Variants in DMD observed in about 807,000 individuals in gnomAD.
The protein encoded by DMD is mutant dystrophin.
Under a neutral mutation model 330.1 loss-of-function variants are expected in DMD, and 63 were observed. That is an observed-to-expected ratio of 0.19 (90% CI 0.16 to 0.24). DMD has a LOEUF of 0.24. Among genes scored for constraint, DMD ranks in the 10% least tolerant of loss-of-function variants. The pLI, the probability that DMD is intolerant of heterozygous loss-of-function variation, is 1.00. For missense variants in DMD, 3,344 were observed against 2,684.1 expected (o/e 1.25, Z -5.43); for synonymous variants, 1,223 against 959.8 (o/e 1.27, Z -5.07).
At chrX:32,144,238 C>T (rs771454688) in intron 44 of DMD, among the ~76,000 whole-genome samples, 2 of 111,866 alleles carry the variant, frequency 1.8e-5, no homozygotes, top group East Asian at 2.8e-4. Flanking sequence ...CTCCATTCCA[C>T]TCATATGGAT....
At chrX:32,637,419 G>T (rs747734724) in intron 11 of DMD, among the ~76,000 whole-genome samples, 3 of 111,888 alleles carry the variant, frequency 2.7e-5, no homozygotes, top group African/African-American at 6.5e-5. Flanking sequence ...TATTAAATCT[G>T]CTCTCTGAGA....
chrX:31,962,904 G>T (rs73449903), intron 45 of DMD, among the ~76,000 whole-genome samples: 3 of 111,414 alleles, frequency 2.7e-5, no homozygotes, highest in Non-Finnish European at 3.8e-5. Flanking sequence ...TGGTTCACAC[G>T]GATATACTGG....
rs770166554 is a variant in DMD at position 32,162,243 on chromosome X, C to T, written c.6438+54673G>A. Among the ~76,000 whole-genome samples, 8 of 111,099 alleles carry T rather than the reference C, an allele frequency of 7.2e-5. No individual in the cohort carries two copies. In the South Asian group the frequency reaches 3.1e-3, roughly 43 times the overall value. On this transcript the variant is annotated intron_variant, in intron 44 of 78. Coordinates refer to ENST00000357033, the MANE Select transcript of DMD (RefSeq NM_004006.3). ...AAGCAGGATAGGGAAGGAGGGAGCG[C>T]TACAGCTCAGGGTGAAGTCTTGTAT...
chrX:31,391,902 A>C (rs1404349029), intron 60 of DMD, among the ~76,000 whole-genome samples: 1 of 110,996 alleles, frequency 9.0e-6, no homozygotes, highest in Non-Finnish European at 1.9e-5. Context: ...AGCAAAAAAA[A>C]CGGCCACACA....
chrX:32,299,839 A>C (rs148221828), intron 42 of DMD, among the ~76,000 whole-genome samples: 2,105 of 111,207 alleles, frequency 0.019, 46 homozygotes, highest in African/African-American at 0.063. Context: ...ATTCAAGATT[A>C]GTCCAGATTC....
At chrX:31,714,826 G>A (rs772545894) in intron 52 of DMD, among the ~76,000 whole-genome samples, 4 of 111,604 alleles carry the variant, frequency 3.6e-5, no homozygotes, top group South Asian at 3.8e-4. Flanking sequence ...GTGCCCTATC[G>A]TAGATTTTGG....
At chrX:31,395,636 C>T (rs1230245586) in intron 60 of DMD, among the ~76,000 whole-genome samples, 8 of 112,003 alleles carry the variant, frequency 7.1e-5, no homozygotes, top group African/African-American at 2.3e-4. Flanking sequence ...GATAGTACAC[C>T]CTTTTTGCCT....
chrX:32,704,911 G>A (rs924656200), intron 7 of DMD, among the ~76,000 whole-genome samples: 2 of 112,220 alleles, frequency 1.8e-5, no homozygotes, highest in Non-Finnish European at 3.8e-5. Context: ...AGTGCTGGAA[G>A]TAAAGTGGAT....
At chrX:31,523,137 G>C (rs1459173425) in intron 55 of DMD, among the ~76,000 whole-genome samples, 1 of 111,121 alleles carries the variant, frequency 9.0e-6, no homozygotes, top group Non-Finnish European at 1.9e-5. Context: ...GCATTTCTTA[G>C]AAGTTCCCAA....
intron 44 of DMD, among the ~76,000 whole-genome samples, chrX:32,210,559 T>C (rs1052576922): frequency 2.7e-5 from 3 of 111,950 alleles, no homozygotes; most frequent in Admixed American, 9.5e-5. Flanking sequence ...TATACTTGTG[T>C]CTGATTTTTT....
At position 31,317,008 on chromosome X, in the gene DMD, T is replaced by C. The variant is rs773343637; in HGVS notation, c.9224+6590A>G. ...GTCCTTTCTATCCCGATAAGATTGA[T>C]GGTGCAATAAGAATCCTCAAGGGCA... On this transcript the variant is annotated intron_variant, in intron 62 of 78. Coordinates refer to ENST00000357033, the MANE Select transcript of DMD (RefSeq NM_004006.3). 2.7e-5 allele frequency among the ~76,000 whole-genome samples: 3 copies of C among 112,560 alleles called. No individual in the cohort carries two copies. The East Asian group carries it at 8.3e-4, about 31-fold the overall frequency.
rs771123625 is a variant in DMD, at chrX:32,645,143, C to A, written c.970G>T (p.Ala324Ser). The A allele has an allele frequency of 1.7e-6, 2 of 1,211,006 alleles. No homozygotes were observed. Among genetic ancestry groups the A allele is most frequent in the South Asian group, 3.5e-5 (2 of 56,943 alleles). Residue 324 changes from alanine to serine, a missense_variant, in exon 10 of 79, where the codon GCT becomes TCT. Ala to Ser is a moderately conservative substitution (Grantham distance 99). Transcript: ENST00000357033. ...CTGCCAAATGACTTGTCTTCAGGAG[C>A]TTCCAAATGCTGCACAATAAAATAA... ...RSPFPSQHLE[A>S]PEDKSFGSSL...
intron 50 of DMD, among the ~76,000 whole-genome samples, chrX:31,819,293 T>C (rs2092702881): frequency 8.9e-6 from 1 of 112,488 alleles, no homozygotes; most frequent in African/African-American, 3.2e-5. Context: ...AGTCAGCTTG[T>C]GGTCCTCCCA....
intron 25 of DMD, among the ~76,000 whole-genome samples, chrX:32,460,867 A>C (rs1277399341): frequency 8.9e-6 from 1 of 111,882 alleles, no homozygotes; most frequent in East Asian, 2.8e-4. Context: ...TTGTTGTGAT[A>C]ATGTGTTAAC....
intron 50 of DMD, among the ~76,000 whole-genome samples, chrX:31,780,762 A>G (rs969225159): frequency 1.8e-5 from 2 of 112,118 alleles, no homozygotes; most frequent in Non-Finnish European, 3.8e-5. Context: ...AACAAACACT[A>G]TGAACACATA....
At chrX:33,093,654 T>C (rs1446384132) in intron 1 of DMD, among the ~76,000 whole-genome samples, 1 of 111,852 alleles carries the variant, frequency 8.9e-6, no homozygotes, top group Non-Finnish European at 1.9e-5. Context: ...TTGGAATTCA[T>C]GTATTATAAA....
At chrX:32,747,521 T>C (rs111386202) in intron 7 of DMD, among the ~76,000 whole-genome samples, 16,553 of 111,393 alleles carry the variant, frequency 0.15, 1,405 homozygotes, top group African/African-American at 0.31. Context: ...CACTCTGTTG[T>C]CCAGGCTCGA....
At chrX:32,531,914 A>T (rs896176302) in intron 17 of DMD, among the ~76,000 whole-genome samples, 3 of 111,705 alleles carry the variant, frequency 2.7e-5, no homozygotes, top group Non-Finnish European at 5.7e-5. Context: ...TCATTAAAAT[A>T]TGATCCTTAG....
Position 31,836,787 on chromosome X carries a change from C to T in DMD, c.7131G>A (p.Pro2377=), listed in dbSNP as rs917627111. The change falls in exon 49 of 79, where the codon CCG becomes CCA. Residue 2377 remains proline, a synonymous_variant. Transcript: ENST00000357033. ...ETEIAVQAKQ[P]DVEEILSKGQ... is the part of the protein sequence containing the mutation. The stretch of plus-strand genomic sequence containing the variant: ...CTTTAGACAAAATCTCTTCCACATC[C>T]GGTTGTTTAGCTTGAACTGCTATTT... The T allele has an allele frequency of 2.2e-5, 27 of 1,209,575 alleles. No homozygotes were observed. The highest frequency in any genetic ancestry group is 3.5e-5 in the African/African-American group (2 of 57,191).
Sources: gnomAD v4.1 joint callset for allele counts (sites outside exome capture counted in the v4.1 genomes callset) on GRCh38, gnomAD v4.1.1 for gene constraint, MANE v1.5 for transcripts, NCBI Gene and HGNC (gene_info 2026-07-23, HGNC 2026-07-21) for gene names.